Variants in PIP4K2A observed in about 807,000 individuals in gnomAD.
PIP4K2A encodes phosphatidylinositol-5-phosphate 4-kinase type 2 alpha.
Under a neutral mutation model 42.9 loss-of-function variants are expected in PIP4K2A, and 14 were observed. The ratio of observed to expected loss-of-function variants is 0.33; its 90% CI spans 0.22 to 0.51. The LOEUF is 0.51. Among genes scored for constraint, PIP4K2A ranks in the 20% least tolerant of loss-of-function variants. The pLI, the probability that PIP4K2A is intolerant of heterozygous loss-of-function variation, is 0.97. For synonymous variants in PIP4K2A, 192 were observed against 192.2 expected, an observed-to-expected ratio of 1.00 and a Z score of 0.01; for missense variants, 434 against 519.8, an observed-to-expected ratio of 0.83 and a Z score of 1.61.
chr10:22,571,781 T>C (rs1836993760), intron 5 of PIP4K2A, among the ~76,000 whole-genome samples: 1 of 152,212 alleles, frequency 6.6e-6, no homozygotes, highest in Non-Finnish European at 1.5e-5. Context: ...AACTTCATTA[T>C]TGTGTGAGTT....
At chr10:22,689,096 G>C (rs973321826) in intron 1 of PIP4K2A, among the ~76,000 whole-genome samples, 2 of 152,092 alleles carry the variant, frequency 1.3e-5, no homozygotes, top group African/African-American at 4.8e-5. Flanking sequence ...GGGTCTGGTG[G>C]AACTCTTCAG....
In PIP4K2A at chr10:22,535,396, A is replaced by G. The variant is rs1377657294; in HGVS notation, c.*1805T>C. On this transcript the variant is annotated 3_prime_UTR_variant, in exon 10 of 10. Transcript: ENST00000376573. ...GTTAACACTGGCTGCTGAGGATACC[A>G]AATCTACATAAAATGAGTGGACAGT... The G allele has an allele frequency of 6.6e-6, 1 of 152,252 alleles. No homozygotes were observed. Among genetic ancestry groups the G allele is most frequent in the African/African-American group, 2.4e-5 (1 of 41,476 alleles). The allele number at this position is 152,252 out of a possible 1,614,324, so 9.4% of individuals were successfully genotyped here.
chr10:22,584,054 C>T (rs1837337400), intron 4 of PIP4K2A, among the ~76,000 whole-genome samples: 1 of 152,246 alleles, frequency 6.6e-6, no homozygotes, highest in African/African-American at 2.4e-5. Flanking sequence ...TGATCAACAT[C>T]TTGACCCCAA....
chr10:22,704,233 C>T (rs1363792765), intron 1 of PIP4K2A, among the ~76,000 whole-genome samples: 1 of 151,982 alleles, frequency 6.6e-6, no homozygotes, highest in African/African-American at 2.4e-5. Context: ...CATTTCCAGA[C>T]TGAGCAAAAG....
At chr10:22,638,820 G>T (rs1838720933) in intron 1 of PIP4K2A, among the ~76,000 whole-genome samples, 1 of 152,162 alleles carries the variant, frequency 6.6e-6, no homozygotes, top group African/African-American at 2.4e-5. Flanking sequence ...ATTTATTACA[G>T]TTCTTCTGTA....
At position 22,558,830 on chromosome 10, in the gene PIP4K2A, G is replaced by A. The variant is rs1332727651; in HGVS notation, c.679-8058C>T. ...TGAAACAGTGCTGTAAGTAAGCCGC[G>A]CAAAACTGGAGAAGCGTTAAGTTAT... On this transcript the variant is annotated intron_variant, in intron 6 of 9. Transcript: ENST00000376573. Among the ~76,000 whole-genome samples, 5 of 152,188 alleles carry A rather than the reference G, an allele frequency of 3.3e-5. No homozygotes were observed. The South Asian group carries it at 6.2e-4, about 19-fold the overall frequency.
intron 5 of PIP4K2A, among the ~76,000 whole-genome samples, chr10:22,569,613 T>C (rs185716281): frequency 1.3e-5 from 2 of 152,278 alleles, no homozygotes. Flanking sequence ...GAAGAAACTA[T>C]TCTACTTTGA....
chr10:22,622,003 G>C (rs1421073505), intron 1 of PIP4K2A, among the ~76,000 whole-genome samples: 1 of 152,198 alleles, frequency 6.6e-6, no homozygotes, highest in East Asian at 1.9e-4. Context: ...CATTTTAAGA[G>C]ATGACCTGAC....
At chr10:22,621,097 C>G (rs532774655) in intron 1 of PIP4K2A, among the ~76,000 whole-genome samples, 5 of 152,210 alleles carry the variant, frequency 3.3e-5, no homozygotes, top group Non-Finnish European at 5.9e-5. Flanking sequence ...TAAAGTTAAG[C>G]ATCACCATTG....
chr10:22,603,664 A>G (rs1406162681), intron 3 of PIP4K2A, among the ~76,000 whole-genome samples: 1 of 152,210 alleles, frequency 6.6e-6, no homozygotes, highest in Non-Finnish European at 1.5e-5. Flanking sequence ...ACAGAGCCTG[A>G]CATGTGGTAG....
At position 22,536,098 on chromosome 10, in the gene PIP4K2A, T is replaced by C. The variant is rs1564408321; in HGVS notation, c.*1103A>G. On this transcript the variant is annotated 3_prime_UTR_variant, in exon 10 of 10. Transcript: ENST00000376573. ...AAAGATATCCCTGTTTTCCTAATAA[T>C]GTAAACAGTAAAACTGAGGGTTTCA... is the stretch of plus-strand genomic sequence containing the variant. 1.3e-5 allele frequency: 5 copies of C among 398,454 alleles called. No homozygotes were observed. The highest frequency in any genetic ancestry group is 2.2e-5 in the Non-Finnish European group (5 of 226,044). 24.7% of individuals were successfully genotyped at this position (398,454 alleles called of 1,614,324 possible).
At chr10:22,545,634 C>T (rs1379735237) in intron 7 of PIP4K2A, among the ~76,000 whole-genome samples, 1 of 152,254 alleles carries the variant, frequency 6.6e-6, no homozygotes, top group Admixed American at 6.5e-5. Flanking sequence ...CAAAATGCAT[C>T]TCTAGGTAAG....
chr10:22,538,090 C>T (rs117128690), intron 9 of PIP4K2A, among the ~76,000 whole-genome samples: 179 of 152,332 alleles, frequency 1.2e-3, no homozygotes, highest in South Asian at 2.1e-3. Flanking sequence ...AGGGCAAGCA[C>T]GGAGTTTTGC....
intron 1 of PIP4K2A, among the ~76,000 whole-genome samples, chr10:22,653,933 G>C (rs1839042591): frequency 1.3e-5 from 2 of 152,200 alleles, no homozygotes; most frequent in African/African-American, 4.8e-5. Flanking sequence ...GTATTCTGAA[G>C]AACTGGCAAT....
chr10:22,562,571 C>T (rs1683084157), intron 6 of PIP4K2A, among the ~76,000 whole-genome samples: 1 of 152,158 alleles, frequency 6.6e-6, no homozygotes, highest in Non-Finnish European at 1.5e-5. Context: ...AACAGTTTGG[C>T]TCTATTAATA....
intron 1 of PIP4K2A, among the ~76,000 whole-genome samples, chr10:22,704,406 G>C (rs1325438757): frequency 6.6e-6 from 1 of 152,140 alleles, no homozygotes; most frequent in African/African-American, 2.4e-5. Context: ...AAGTTAAGGA[G>C]ATCATCGCAG....
At chr10:22,582,708 GGGAAGGAAAA>G (rs777847691) in intron 4 of PIP4K2A, among the ~76,000 whole-genome samples, 7 of 151,946 alleles carry the variant, frequency 4.6e-5, no homozygotes, top group East Asian at 1.9e-4. Flanking sequence ...GGGAAAGGAA[GGGAAGGAAAA>G]GGAAGGGAAA....
At chr10:22,657,809 T>C (rs1257132626) in intron 1 of PIP4K2A, among the ~76,000 whole-genome samples, 1 of 152,230 alleles carries the variant, frequency 6.6e-6, no homozygotes, top group Admixed American at 6.5e-5. Flanking sequence ...GGCATGGAAT[T>C]AGAGACAGTA....
chr10:22,615,675 A>G (rs938826273), intron 1 of PIP4K2A, among the ~76,000 whole-genome samples: 2 of 152,240 alleles, frequency 1.3e-5, no homozygotes, highest in African/African-American at 4.8e-5. Flanking sequence ...CAGTTATACT[A>G]TCACATACAG....
Sources: allele counts gnomAD v4.1 joint callset (sites outside exome capture counted in the v4.1 genomes callset), GRCh38; gene constraint gnomAD v4.1.1; transcripts MANE v1.5; gene names NCBI Gene and HGNC (gene_info 2026-07-23, HGNC 2026-07-21).